The following PLXNA2 variants were observed in gnomAD, a reference collection of about 807,000 sequenced individuals.
PLXNA2 encodes plexin-A2.
Under a neutral mutation model 193.5 loss-of-function variants are expected in PLXNA2, and 91 were observed. The ratio of observed to expected loss-of-function variants is 0.47; its 90% CI spans 0.40 to 0.56. The LOEUF (loss-of-function observed/expected upper bound fraction) is 0.56, where lower values mean the gene tolerates loss of function less well. Among genes scored for constraint, PLXNA2 ranks in the 20% least tolerant of loss-of-function variants. The probability of loss-of-function intolerance (pLI) is 0.00; values close to 1 mark genes in which losing one functional copy is unlikely to be tolerated. For missense variants in PLXNA2, 1,995 were observed against 2,503.2 expected, an observed-to-expected ratio of 0.80 and a Z score of 4.33; for synonymous variants, 997 against 1,027.3, an observed-to-expected ratio of 0.97 and a Z score of 0.56.
chr1:208,220,884 C>T (rs1671307245), intron 1 of PLXNA2, among the ~76,000 whole-genome samples: 1 of 152,148 alleles, frequency 6.6e-6, no homozygotes, highest in South Asian at 2.1e-4. Flanking sequence ...CCTAGGCCTC[C>T]CCGACCCAGT....
intron 17 of PLXNA2, among the ~76,000 whole-genome samples, chr1:208,047,739 CTG>C (rs1665125659): frequency 6.6e-6 from 1 of 152,226 alleles, no homozygotes. Flanking sequence ...GAAAACAAGA[CTG>C]TGTGTGAAAT....
At chr1:208,120,374 G>T (rs945704981) in intron 4 of PLXNA2, among the ~76,000 whole-genome samples, 1 of 152,194 alleles carries the variant, frequency 6.6e-6, no homozygotes, top group African/African-American at 2.4e-5. Context: ...CAGAGAGGGG[G>T]TGAAGCTTTC....
chr1:208,031,288 AGAG>A, intron 29 of PLXNA2: 1 of 1,211,212 alleles, frequency 8.3e-7, no homozygotes, highest in East Asian at 4.7e-5. Flanking sequence ...CCTGAGAACC[AGAG>A]ATCTCAGAGC....
At chr1:208,034,797 G>A (rs1460538181) in intron 26 of PLXNA2, among the ~76,000 whole-genome samples, 1 of 152,190 alleles carries the variant, frequency 6.6e-6, no homozygotes, top group East Asian at 1.9e-4. Context: ...TACTTGCCAT[G>A]TGTGTGGATT....
At chr1:208,173,054 C>A (rs1669544721) in intron 3 of PLXNA2, among the ~76,000 whole-genome samples, 1 of 152,190 alleles carries the variant, frequency 6.6e-6, no homozygotes, top group Non-Finnish European at 1.5e-5. Flanking sequence ...AAATCTACAA[C>A]CAGTATTGCT....
intron 9 of PLXNA2, among the ~76,000 whole-genome samples, chr1:208,090,488 A>T (rs1387631626): frequency 6.6e-6 from 1 of 152,112 alleles, no homozygotes; most frequent in Non-Finnish European, 1.5e-5. Context: ...GCTGTATTTC[A>T]GTGACTTCCG....
At chr1:208,079,732 G>C (rs1482615668) in intron 11 of PLXNA2, among the ~76,000 whole-genome samples, 2 of 152,212 alleles carry the variant, frequency 1.3e-5, no homozygotes, top group Non-Finnish European at 2.9e-5. Flanking sequence ...CAATGTGAGA[G>C]AGGATTCCAC....
At chr1:208,122,979 A>C (rs1276855874) in intron 4 of PLXNA2, among the ~76,000 whole-genome samples, 1 of 152,218 alleles carries the variant, frequency 6.6e-6, no homozygotes, top group African/African-American at 2.4e-5. Context: ...GGTGTTTTGT[A>C]TATTCAGGAA....
intron 9 of PLXNA2, among the ~76,000 whole-genome samples, chr1:208,086,979 C>CTCTCTCTCTCTCTGTG (rs1491364667): frequency 1.5e-5 from 1 of 65,444 alleles, no homozygotes; most frequent in African/African-American, 7.1e-5. Flanking sequence ...CTCTCTCTCT[C>CTCTCTCTCTCTCTGTG]TGTGTGTGTG....
chr1:208,029,894 G>A, intron 29 of PLXNA2: 1 of 985,552 alleles, frequency 1.0e-6, no homozygotes. Context: ...GCTGCCTTCT[G>A]GGCTTTAACT....
At chr1:208,241,056 G>A (rs761607465) in intron 1 of PLXNA2, among the ~76,000 whole-genome samples, 7 of 152,194 alleles carry the variant, frequency 4.6e-5, no homozygotes, top group Non-Finnish European at 1.0e-4. Flanking sequence ...GGTGAGTTTA[G>A]GCTGCTGTCA....
intron 4 of PLXNA2, among the ~76,000 whole-genome samples, chr1:208,109,658 C>T (rs1558196680): frequency 6.6e-6 from 1 of 152,232 alleles, no homozygotes; most frequent in Non-Finnish European, 1.5e-5. Context: ...CTTAAGTCCT[C>T]ACTTGCAGTG....
At chr1:208,095,182 C>T (rs912860580) in intron 8 of PLXNA2, among the ~76,000 whole-genome samples, 3 of 152,188 alleles carry the variant, frequency 2.0e-5, no homozygotes, top group Non-Finnish European at 2.9e-5. Context: ...ATTACAGAGG[C>T]CTGTGTTTCC....
intron 14 of PLXNA2, among the ~76,000 whole-genome samples, chr1:208,053,903 C>T (rs947762124): frequency 6.6e-6 from 1 of 152,212 alleles, no homozygotes; most frequent in African/African-American, 2.4e-5. Flanking sequence ...TAGCGAGTTA[C>T]ACATACAGAG....
At chr1:208,240,387 T>G (rs529007962) in intron 1 of PLXNA2, among the ~76,000 whole-genome samples, 65 of 152,332 alleles carry the variant, frequency 4.3e-4, no homozygotes, top group African/African-American at 1.4e-3. Flanking sequence ...CCTTTCTCTC[T>G]GTCTCCATAG....
At chr1:208,170,026 T>C (rs761173653) in intron 3 of PLXNA2, among the ~76,000 whole-genome samples, 4 of 152,166 alleles carry the variant, frequency 2.6e-5, no homozygotes, top group Non-Finnish European at 5.9e-5. Flanking sequence ...GCATCCCTCA[T>C]TAGATATTCA....
chr1:208,198,460 C>T (rs1670429961), intron 3 of PLXNA2, among the ~76,000 whole-genome samples: 1 of 152,264 alleles, frequency 6.6e-6, no homozygotes. Context: ...TTTGTCTCTC[C>T]TTCAGAAAGC....
chr1:208,047,973 G>A (rs1262339750), intron 17 of PLXNA2, among the ~76,000 whole-genome samples: 1 of 152,132 alleles, frequency 6.6e-6, no homozygotes, highest in African/African-American at 2.4e-5. Flanking sequence ...GTACAATGAG[G>A]CATGGGGAGG....
intron 3 of PLXNA2, among the ~76,000 whole-genome samples, chr1:208,198,715 A>G (rs1005095355): frequency 3.3e-5 from 5 of 152,178 alleles, no homozygotes; most frequent in Admixed American, 6.6e-5. Flanking sequence ...TCTCTCGTGC[A>G]TCTTCTTGCA....
Sources: allele counts gnomAD v4.1 joint callset (sites outside exome capture counted in the v4.1 genomes callset), GRCh38; gene constraint gnomAD v4.1.1; transcripts MANE v1.5; gene names NCBI Gene and HGNC (gene_info 2026-07-23, HGNC 2026-07-21).